Variants in ZNF236 observed in about 807,000 individuals in gnomAD.
ZNF236 encodes the protein regulated by glucose.
A neutral mutation model predicts 191.2 loss-of-function variants in ZNF236; 50 were observed. The observed-to-expected ratio is 0.26, with a 90% CI of 0.21 to 0.33. The LOEUF (loss-of-function observed/expected upper bound fraction) is 0.33. Among genes scored for constraint, ZNF236 ranks in the 10% least tolerant of loss-of-function variants. ZNF236 has a pLI of 1.00. For synonymous variants in ZNF236, 907 were observed against 928.8 expected (o/e 0.98, Z 0.43); for missense variants, 1,754 against 2,374.5 (o/e 0.74, Z 5.43).
chr18:76,831,577 TG>T, intron 1 of ZNF236, among the ~76,000 whole-genome samples: 1 of 152,190 alleles, frequency 6.6e-6, no homozygotes, highest in Non-Finnish European at 1.5e-5. Flanking sequence ...CTGGGTTGTA[TG>T]GGAAAACTAT....
At chr18:76,940,671 T>G (rs534448591) in intron 26 of ZNF236, among the ~76,000 whole-genome samples, 12 of 152,350 alleles carry the variant, frequency 7.9e-5, no homozygotes, top group Admixed American at 7.8e-4. Flanking sequence ...ACTTTGAGAA[T>G]TATCCACTAC....
At chr18:76,963,933 TCTTATTGAG>T (rs1968716898) in intron 30 of ZNF236, among the ~76,000 whole-genome samples, 1 of 152,204 alleles carries the variant, frequency 6.6e-6, no homozygotes, top group South Asian at 2.1e-4. Context: ...CCATTTCGCT[TCTTATTGAG>T]CTTATTTGGA....
intron 9 of ZNF236, chr18:76,886,394 T>A (rs146961992): frequency 2.2e-4 from 33 of 153,478 alleles, no homozygotes; most frequent in Middle Eastern, 3.3e-3. Context: ...AACTTTCCTG[T>A]CTGACAAGTT....
chr18:76,872,292 G>A (rs1976602438), intron 5 of ZNF236, among the ~76,000 whole-genome samples: 1 of 152,118 alleles, frequency 6.6e-6, no homozygotes, highest in Non-Finnish European at 1.5e-5. Context: ...ACTAGCACGG[G>A]CAACATAGCG....
intron 11 of ZNF236, among the ~76,000 whole-genome samples, chr18:76,901,575 T>G (rs1053902270): frequency 1.6e-4 from 25 of 152,112 alleles, no homozygotes; most frequent in Non-Finnish European, 3.1e-4. Flanking sequence ...CTGGCCAACA[T>G]GGCAAAACCC....
intron 2 of ZNF236, among the ~76,000 whole-genome samples, chr18:76,851,390 C>G (rs1486896700): frequency 6.6e-6 from 1 of 151,924 alleles, no homozygotes; most frequent in Non-Finnish European, 1.5e-5. Context: ...CTCGGCCTCC[C>G]AAAGTGCTGG....
chr18:76,968,714 T>G lies in ZNF236; in HGVS notation c.*375T>G. On this transcript the variant is annotated 3_prime_UTR_variant, in exon 31 of 31. Transcript: ENST00000320610. ...GCTAACATTGAAAAAGTATGTCAGA[T>G]TTTCCTTCATGTTTCTGGTTATAAG... The G allele has an allele frequency of 1.0e-6, 1 of 1,000,490 alleles. No individual in the cohort carries two copies. The highest frequency in any genetic ancestry group is 6.1e-5 in the Admixed American group (1 of 16,510). The allele number at this position is 1,000,490 out of a possible 1,614,324, so 62.0% of individuals were successfully genotyped here.
At chr18:76,909,375 T>A (rs1410055393) in intron 14 of ZNF236, among the ~76,000 whole-genome samples, 1 of 152,042 alleles carries the variant, frequency 6.6e-6, no homozygotes, top group African/African-American at 2.4e-5. Flanking sequence ...TACTATTTTG[T>A]GACCTTTTAT....
At chr18:76,928,421 G>T (rs539243747) in intron 25 of ZNF236, among the ~76,000 whole-genome samples, 1 of 152,136 alleles carries the variant, frequency 6.6e-6, no homozygotes. Flanking sequence ...TAGCTTTGTG[G>T]TTCTCACTCA....
At chr18:76,936,456 T>G in intron 25 of ZNF236, 1 of 454,824 alleles carries the variant, frequency 2.2e-6, no homozygotes, top group Non-Finnish European at 4.4e-6. Flanking sequence ...AGCCCTTTCT[T>G]CACCAGATAC....
intron 25 of ZNF236, among the ~76,000 whole-genome samples, chr18:76,933,500 GTCTCTC>G (rs1003447761): frequency 2.0e-5 from 3 of 150,316 alleles, no homozygotes; most frequent in Admixed American, 6.7e-5. Flanking sequence ...GAGAAAATCA[GTCTCTC>G]TCTCTCACTC....
chr18:76,904,522 G>A lies in ZNF236; in HGVS notation c.2036+1G>A. 1 of 1,591,938 alleles carries A rather than the reference G, an allele frequency of 6.3e-7. No individual in the cohort carries two copies. Among genetic ancestry groups the A allele is most frequent in the South Asian group, 1.1e-5 (1 of 87,014 alleles). On this transcript the variant is annotated splice_donor_variant, in intron 12 of 30. Transcript: ENST00000320610. LOFTEE classifies it high-confidence loss of function. ...CTTGCCACCTTAAACAACACATCAGGTAAGGTAACGGATTCACAGATGGAA... is the reference window on the plus strand; with the variant it reads ...CTTGCCACCTTAAACAACACATCAGATAAGGTAACGGATTCACAGATGGAA...
Position 76,927,890 on chromosome 18 carries a change from G to A in ZNF236, c.4415-37G>A, listed in dbSNP as rs1356508634. The A allele has an allele frequency of 6.8e-7, 1 of 1,471,742 alleles. No homozygotes were observed. The highest frequency in any genetic ancestry group is 2.4e-5 in the Admixed American group (1 of 41,574). The allele number at this position is 1,471,742 out of a possible 1,614,324, so 91.2% of individuals were successfully genotyped here. A position where few individuals can be genotyped will look rare whatever the true frequency, so the allele number is the denominator to read the frequency against. ...AAAAACAGGGGAAATTGGTTATTTT[G>A]AATCTCAACTTTGTTTTGCTTTGTA... is the stretch of plus-strand genomic sequence containing the variant. On this transcript the variant is annotated intron_variant, in intron 24 of 30. Coordinates refer to ENST00000320610, the MANE Select transcript of ZNF236 (RefSeq NM_001306089.2). This position sits in a 1 kb window ranked among gnomAD's most constrained non-coding sequence, Gnocchi z 5.4.
intron 4 of ZNF236, among the ~76,000 whole-genome samples, chr18:76,870,344 T>G (rs568274038): frequency 6.6e-6 from 1 of 152,188 alleles, no homozygotes; most frequent in African/African-American, 2.4e-5. Context: ...TAATACATGG[T>G]CTCTATACAC....
chr18:76,968,608 A>G lies in ZNF236; in HGVS notation c.*269A>G. On this transcript the variant is annotated 3_prime_UTR_variant, in exon 31 of 31. Coordinates refer to ENST00000320610, the MANE Select transcript of ZNF236 (RefSeq NM_001306089.2). The stretch of plus-strand genomic sequence containing the variant: ...TTCCTCCTCAGTCTCCTCCGTGGCT[A>G]GTGTGTCTAGTTCACGAAGCAATTA... 1 of 1,207,076 alleles carries G rather than the reference A, an allele frequency of 8.3e-7. No individual in the cohort carries two copies. Among genetic ancestry groups the G allele is most frequent in the Non-Finnish European group, 1.0e-6 (1 of 971,304 alleles). The allele number at this position is 1,207,076 out of a possible 1,614,324, so 74.8% of individuals were successfully genotyped here. A position where few individuals can be genotyped will look rare whatever the true frequency, so the allele number is the denominator to read the frequency against.
At chr18:76,861,591 C>T (rs1223777461) in intron 3 of ZNF236, among the ~76,000 whole-genome samples, 1 of 152,116 alleles carries the variant, frequency 6.6e-6, no homozygotes, top group Non-Finnish European at 1.5e-5. Flanking sequence ...TTCCTTGCTG[C>T]CTTTGCATTT....
Position 76,960,211 on chromosome 18 carries a change from C to T in ZNF236, c.5242+395C>T, listed in dbSNP as rs150784185. Among the ~76,000 whole-genome samples the T allele has an allele frequency of 1.4e-4, 21 of 152,268 alleles. No individual in the cohort carries two copies. The East Asian group carries it at 4.0e-3, about 29-fold the overall frequency. ...TCTGTCTTAAAACTTTTTTTCTCTG[C>T]TGGCTTTTCCTACACCACCTAAATC... On this transcript the variant is annotated intron_variant, in intron 29 of 30. Coordinates refer to ENST00000320610, the MANE Select transcript of ZNF236 (RefSeq NM_001306089.2). This position sits in a 1 kb window ranked among gnomAD's most constrained non-coding sequence, Gnocchi z 4.4.
intron 10 of ZNF236, among the ~76,000 whole-genome samples, chr18:76,897,507 G>C (rs1023984824): frequency 6.6e-6 from 1 of 150,758 alleles, no homozygotes; most frequent in East Asian, 2.0e-4. Flanking sequence ...CACACACACA[G>C]TATTGCACTT....
intron 1 of ZNF236, chr18:76,840,810 T>TG (rs1376212758): frequency 2.1e-5 from 3 of 141,694 alleles, no homozygotes; most frequent in South Asian, 2.3e-4. Context: ...TGTGTGTGTG[T>TG]TTTCTTTCTT....
Sources: gnomAD v4.1 joint callset for allele counts (sites outside exome capture counted in the v4.1 genomes callset) on GRCh38, gnomAD v4.1.1 for gene constraint, Gnocchi (gnomAD v3.1) non-coding constraint, MANE v1.5 for transcripts, NCBI Gene and HGNC (gene_info 2026-07-23, HGNC 2026-07-21) for gene names.